The following MRPS10 variants were observed in gnomAD, a reference collection of about 807,000 sequenced individuals.
MRPS10 encodes mitochondrial ribosomal protein S10, also known as small ribosomal subunit protein uS10m.
MRPS10 carries 23 observed loss-of-function variants against 27.5 expected under a neutral mutation model. The observed-to-expected ratio is 0.84, with a 90% CI of 0.60 to 1.18. The LOEUF (loss-of-function observed/expected upper bound fraction) is 1.18, where lower values mean the gene tolerates loss of function less well. MRPS10 is among the 50% of genes most tolerant of loss of function. The pLI, the probability that MRPS10 is intolerant of heterozygous loss-of-function variation, is 0.00. For synonymous variants in MRPS10, 88 were observed against 84.2 expected (o/e 1.04, Z -0.25); for missense variants, 237 against 240.1 (o/e 0.99, Z 0.09).
intron 1 of MRPS10, among the ~76,000 whole-genome samples, chr6:42,216,565 C>T (rs1262468596): frequency 6.6e-6 from 1 of 151,246 alleles, no homozygotes; most frequent in African/African-American, 2.4e-5. Context: ...AATCCCAGCA[C>T]TTTGGGAGGC....
chr6:42,214,251 C>CAA, intron 2 of MRPS10, 29 bp downstream of exon 2: 3 of 1,609,604 alleles, frequency 1.9e-6, no homozygotes, highest in Non-Finnish European at 1.7e-6. Context: ...CTATTTTGTT[C>CAA]AATTTAGCAC....
At chr6:42,217,697 G>A (rs1349880703) in intron 1 of MRPS10, 105 bp downstream of exon 1, 5 of 1,197,910 alleles carry the variant, frequency 4.2e-6, no homozygotes, top group South Asian at 3.8e-5. Context: ...CGAGGTGAGG[G>A]ATAAATATCA....
In MRPS10 at chr6:42,207,658, A is replaced by C. The variant is rs1768644458; in HGVS notation, c.*631T>G. ...TAAATAATACAACTAGTAATTTCTT[A>C]AGATCATAAATTCCATTACAGTAAC... On this transcript the variant is annotated 3_prime_UTR_variant, in exon 7 of 7. Transcript: ENST00000053468. 6.6e-6 allele frequency: 1 copy of C among 152,252 alleles called. No homozygotes were observed. Among genetic ancestry groups the C allele is most frequent in the East Asian group, 1.9e-4 (1 of 5,204 alleles). The allele number at this position is 152,252 out of a possible 1,614,324, so 9.4% of individuals were successfully genotyped here.
In MRPS10 at chr6:42,207,999, T is replaced by C. The variant is rs1487081722; in HGVS notation, c.*290A>G. On this transcript the variant is annotated 3_prime_UTR_variant, in exon 7 of 7. Coordinates refer to ENST00000053468, the MANE Select transcript of MRPS10 (RefSeq NM_018141.4). ...AATTAAAAATGGTACAAACTAATAA[T>C]TGAACACCAGTAGCGTAACAAAATA... 2.5e-5 allele frequency: 9 copies of C among 362,750 alleles called. No individual in the cohort carries two copies. The highest frequency in any genetic ancestry group is 4.4e-5 in the Non-Finnish European group (9 of 202,876). 22.5% of individuals were successfully genotyped at this position (362,750 alleles called of 1,614,324 possible).
intron 4 of MRPS10, among the ~76,000 whole-genome samples, chr6:42,211,489 T>C (rs1413894302): frequency 1.5e-4 from 23 of 152,126 alleles, no homozygotes. Context: ...GAGACCAGCC[T>C]GGGCAACACA....
chr6:42,208,460 T>C, intron 6 of MRPS10, 88 bp from the exon 7 acceptor site: 1 of 988,972 alleles, frequency 1.0e-6, no homozygotes, highest in Non-Finnish European at 1.5e-6. Flanking sequence ...TCAAATCCTC[T>C]TTACTTCTTT....
chr6:42,211,666 T>TCTGTCTCA, intron 4 of MRPS10, 115 bp downstream of exon 4: 1 of 938,002 alleles, frequency 1.1e-6, no homozygotes, highest in African/African-American at 1.9e-5. Context: ...AGAGCGAGAC[T>TCTGTCTCA]CTGTCTCAAA....
intron 5 of MRPS10, 117 bp downstream of exon 5, chr6:42,210,371 A>G: frequency 2.3e-6 from 1 of 427,528 alleles, no homozygotes; most frequent in Non-Finnish European, 4.2e-6. Context: ...CCTTCTGTAC[A>G]ACCAACAGAC....
intron 1 of MRPS10, among the ~76,000 whole-genome samples, chr6:42,216,020 T>TC (rs1768917363): frequency 4.0e-5 from 1 of 25,244 alleles, no homozygotes; most frequent in Non-Finnish European, 1.2e-4. Context: ...CTTTTTTTTT[T>TC]CTTTTCTTTT....
intron 1 of MRPS10, among the ~76,000 whole-genome samples, chr6:42,216,797 G>A (rs1768954623): frequency 6.6e-6 from 1 of 152,118 alleles, no homozygotes; most frequent in Non-Finnish European, 1.5e-5. Flanking sequence ...GGCGACAAGA[G>A]CGAAACTCCG....
chr6:42,214,664 AT>A (rs1377019884), intron 1 of MRPS10, among the ~76,000 whole-genome samples: 2 of 152,250 alleles, frequency 1.3e-5, no homozygotes, highest in Admixed American at 1.3e-4. Context: ...TTTTCCCATT[AT>A]TTTTTACAAA....
chr6:42,213,231 T>C (rs1268070003), intron 3 of MRPS10, among the ~76,000 whole-genome samples: 1 of 152,120 alleles, frequency 6.6e-6, no homozygotes, highest in Non-Finnish European at 1.5e-5. Context: ...GGCAGATCAC[T>C]TGAGGCCAGG....
At chr6:42,215,627 A>G (rs912323021) in intron 1 of MRPS10, among the ~76,000 whole-genome samples, 2 of 152,002 alleles carry the variant, frequency 1.3e-5, no homozygotes, top group African/African-American at 2.4e-5. Flanking sequence ...GGGTTTCACC[A>G]TATTTCCCAG....
Position 42,208,319 on chromosome 6 carries a change from T to G in MRPS10, c.576A>C (p.Leu192=), listed in dbSNP as rs199933095. 1 of 1,613,176 alleles carries G rather than the reference T, an allele frequency of 6.2e-7. No homozygotes were observed. Among genetic ancestry groups the G allele is most frequent in the Non-Finnish European group, 8.5e-7 (1 of 1,179,590 alleles). The change falls in exon 7 of 7, where the codon CTA becomes CTC. Residue 192 remains leucine, a synonymous_variant. Coordinates refer to ENST00000053468, the MANE Select transcript of MRPS10 (RefSeq NM_018141.4). ...ACTTGCTTTCTTCTTTTTCTTCTGA[T>G]AGTGTTTCCCAGATTGGCTCCTTGA... is the stretch of plus-strand genomic sequence containing the variant. ...EHIKEPIWET[L]SEEKEESKS
rs1011938559 is a variant in MRPS10 at position 42,211,296 on chromosome 6, C to A, written c.323+485G>T. Among the ~76,000 whole-genome samples, 32 of 152,274 alleles carry A rather than the reference C, an allele frequency of 2.1e-4. No homozygotes were observed. In the South Asian group the frequency reaches 3.3e-3, roughly 16 times the overall value. ...CTCTACCTCCCTGCTCCATGGAGAT[C>A]CCAGAAACATGGCAGGAAGGCATGA... On this transcript the variant is annotated intron_variant, in intron 4 of 6. Transcript: ENST00000053468.
chr6:42,211,501 T>C (rs1768771340), intron 4 of MRPS10, among the ~76,000 whole-genome samples: 1 of 151,950 alleles, frequency 6.6e-6, no homozygotes, highest in African/African-American at 2.4e-5. Flanking sequence ...GGCAACACAG[T>C]GAAACCCCAT....
intron 1 of MRPS10, among the ~76,000 whole-genome samples, chr6:42,215,584 G>T (rs1768903061): frequency 6.6e-6 from 1 of 151,940 alleles, no homozygotes; most frequent in Non-Finnish European, 1.5e-5. Flanking sequence ...GGGCCACCAG[G>T]CCCAGCTAAT....
At chr6:42,209,768 A>G in intron 5 of MRPS10, among the ~76,000 whole-genome samples, 1 of 151,092 alleles carries the variant, frequency 6.6e-6, no homozygotes, top group African/African-American at 2.4e-5. Context: ...AAAAAAAAAA[A>G]AAAAAAAAAG....
intron 5 of MRPS10, 142 bp from the exon 6 acceptor site, chr6:42,209,089 G>A: frequency 3.5e-6 from 2 of 576,556 alleles, no homozygotes; most frequent in South Asian, 2.1e-5. Flanking sequence ...TCTGCCTCCT[G>A]GGTTCAAGCC....
Sources: allele counts gnomAD v4.1 joint callset (sites outside exome capture counted in the v4.1 genomes callset), GRCh38; gene constraint gnomAD v4.1.1; transcripts MANE v1.5; gene names NCBI Gene and HGNC (gene_info 2026-07-23, HGNC 2026-07-21).